The following WBP1L variants were observed in gnomAD, a reference collection of about 807,000 sequenced individuals.
WBP1L encodes the protein WW domain binding protein 1 like.
WBP1L carries 17 observed loss-of-function variants against 33.7 expected under a neutral mutation model. The observed-to-expected ratio is 0.50, with a 90% CI of 0.34 to 0.76. The LOEUF is 0.76. Ranked by LOEUF, WBP1L falls within the 30% of genes least tolerant of loss-of-function variation. WBP1L has a pLI of 0.01. For missense variants in WBP1L, 389 were observed against 469.4 expected (o/e 0.83, Z 1.58); for synonymous variants, 173 against 190.8 (o/e 0.91, Z 0.77).
chr10:102,784,661 G>A (rs530988031), intron 1 of WBP1L, among the ~76,000 whole-genome samples: 10 of 151,962 alleles, frequency 6.6e-5, no homozygotes, highest in East Asian at 5.8e-4. Context: ...TCCTGATCTC[G>A]TGATCTGCCC....
chr10:102,743,987 G>T lies in WBP1L; in HGVS notation c.-67G>T. The T allele has an allele frequency of 8.5e-7, 1 of 1,173,014 alleles. No homozygotes were observed. The allele number at this position is 1,173,014 out of a possible 1,614,324, so 72.7% of individuals were successfully genotyped here. A position where few individuals can be genotyped will look rare whatever the true frequency, so the allele number is the denominator to read the frequency against. On this transcript the variant is annotated 5_prime_UTR_variant, in exon 1 of 4. Transcript: ENST00000448841. ...GAAGGGAAGAAGGAAGAAGAGGGTA[G>T]AGGAGGAGAGGGAGGAGGAGGAGGG...
At chr10:102,792,592 C>CTTTT (rs11368357) in intron 1 of WBP1L, among the ~76,000 whole-genome samples, 57 of 103,472 alleles carry the variant, frequency 5.5e-4, no homozygotes, top group Non-Finnish European at 5.9e-4. Flanking sequence ...TTTTTCTTTT[C>CTTTT]TTTTTTTTTT....
Position 102,775,341 on chromosome 10 carries a change from G to A in WBP1L, c.91-22652G>A, listed in dbSNP as rs559141814. ...TGGCTTACACCACCGACTAGGGAAA[G>A]TCAGAGCAGGACACCATCCCCAGGG... On this transcript the variant is annotated intron_variant, in intron 1 of 3. Transcript: ENST00000448841. Among the ~76,000 whole-genome samples the A allele has an allele frequency of 2.0e-3, 310 of 152,274 alleles. 1 individual carries two copies. The highest frequency in any genetic ancestry group is 3.9e-3 in the Non-Finnish European group (264 of 68,020).
intron 1 of WBP1L, chr10:102,776,495 G>A (rs1179523794): frequency 7.5e-6 from 12 of 1,595,370 alleles, no homozygotes; most frequent in Non-Finnish European, 1.0e-5. Flanking sequence ...GCTTTGGGTG[G>A]AGGGAATATT....
chr10:102,812,743 C>T lies in WBP1L; in HGVS notation c.504C>T (p.Ile168=), dbSNP rs755949457. Reference sequence around the variant, plus strand: ...CTGCAGGTGGCAGTCCCCCGGGCATCGATCCCACCAGGGGATCCCAGGGGG... The same window carrying T: ...CTGCAGGTGGCAGTCCCCCGGGCATTGATCCCACCAGGGGATCCCAGGGGG... ...CGPAGGSPPG[I]DPTRGSQGAQ... is the part of the protein sequence containing the mutation. The change falls in exon 4 of 4, where the codon ATC becomes ATT. Residue 168 remains isoleucine, a synonymous_variant. Coordinates refer to ENST00000448841, the MANE Select transcript of WBP1L (RefSeq NM_001083913.2). The T allele has an allele frequency of 1.5e-5, 25 of 1,613,692 alleles. No individual in the cohort carries two copies. The highest frequency in any genetic ancestry group is 2.0e-5 in the Non-Finnish European group (24 of 1,179,928).
chr10:102,813,221 G>A lies in WBP1L; in HGVS notation c.982G>A (p.Ala328Thr), dbSNP rs200608862. 1 of 1,612,908 alleles carries A rather than the reference G, an allele frequency of 6.2e-7. No homozygotes were observed. The highest frequency in any genetic ancestry group is 1.7e-5 in the Admixed American group (1 of 60,006). ...EGLCQSSEEQ[A>T]REPGHPHLPR... is the part of the protein sequence containing the mutation. ...CCTCTGTCAGTCCTCTGAGGAGCAG[G>A]CTCGAGAGCCTGGGCACCCGCACCT... Residue 328 changes from alanine (A) to threonine (T), a missense_variant, in exon 4 of 4, where the codon GCT becomes ACT. Transcript: ENST00000448841.
At chr10:102,782,112 C>T (rs1410380974) in intron 1 of WBP1L, among the ~76,000 whole-genome samples, 1 of 151,962 alleles carries the variant, frequency 6.6e-6, no homozygotes, top group African/African-American at 2.4e-5. Context: ...AGGTGATGCA[C>T]CTGCCACGGC....
chr10:102,804,419 TAAA>T (rs143565698), intron 2 of WBP1L, among the ~76,000 whole-genome samples: 119 of 138,122 alleles, frequency 8.6e-4, no homozygotes, highest in Middle Eastern at 7.5e-3. Context: ...CTTTTTTTTT[TAAA>T]AAAAAAATTA....
intron 1 of WBP1L, among the ~76,000 whole-genome samples, chr10:102,762,043 G>A (rs1180814277): frequency 6.6e-6 from 1 of 152,012 alleles, no homozygotes; most frequent in African/African-American, 2.4e-5. Context: ...TATAGAGGCG[G>A]AGTCTCCCTA....
chr10:102,796,647 G>A (rs1382771097), intron 1 of WBP1L, among the ~76,000 whole-genome samples: 2 of 152,162 alleles, frequency 1.3e-5, no homozygotes, highest in Non-Finnish European at 2.9e-5. Flanking sequence ...TGCTGAGCAG[G>A]GCTTTTTTCC....
chr10:102,812,750 A>T lies in WBP1L; in HGVS notation c.511A>T (p.Thr171Ser). 1.9e-6 allele frequency: 3 copies of T among 1,613,610 alleles called. No homozygotes were observed. The highest frequency in any genetic ancestry group is 2.5e-6 in the Non-Finnish European group (3 of 1,179,824). ...AGGSPPGIDP[T>S]RGSQGAQSSP... The stretch of plus-strand genomic sequence containing the variant: ...TGGCAGTCCCCCGGGCATCGATCCC[A>T]CCAGGGGATCCCAGGGGGCACAGAG... The change falls in exon 4 of 4, where the codon ACC (threonine) becomes TCC (serine). Residue 171 changes from threonine to serine, a missense_variant. Transcript: ENST00000448841.
chr10:102,744,068 G>A lies in WBP1L; in HGVS notation c.15G>A (p.Arg5=), dbSNP rs180771793. The change falls in exon 1 of 4, where the codon AGG becomes AGA. Residue 5 remains arginine, a synonymous_variant. Transcript: ENST00000448841. Reference sequence around the variant, plus strand: ...GCAGGAGGGGGATGGAGAGGAGAAGGCTCCTGGGTGGCATGGCGCTCCTGC... The same window carrying A: ...GCAGGAGGGGGATGGAGAGGAGAAGACTCCTGGGTGGCATGGCGCTCCTGC... MERR[R]LLGGMALLLL... is the part of the protein sequence containing the mutation. 9.2e-5 allele frequency: 142 copies of A among 1,551,418 alleles called. No individual in the cohort carries two copies. The highest frequency in any genetic ancestry group is 1.2e-4 in the Non-Finnish European group (134 of 1,147,712).
At chr10:102,776,033 A>G (rs1198724427) in intron 1 of WBP1L, 1 of 944,518 alleles carries the variant, frequency 1.1e-6, no homozygotes, top group Non-Finnish European at 1.3e-6. Flanking sequence ...AGGGCTGGGC[A>G]TCGCGGGTCT....
At chr10:102,806,616 C>G (rs1015098061) in intron 2 of WBP1L, among the ~76,000 whole-genome samples, 2 of 152,176 alleles carry the variant, frequency 1.3e-5, no homozygotes, top group African/African-American at 2.4e-5. Context: ...TTTATGGTCT[C>G]TGGTTAGGAA....
chr10:102,798,967 C>A (rs1843613061), intron 2 of WBP1L, among the ~76,000 whole-genome samples: 1 of 152,190 alleles, frequency 6.6e-6, no homozygotes, highest in Non-Finnish European at 1.5e-5. Context: ...TTATTTCTTA[C>A]CCAGTTCTCA....
chr10:102,778,437 TGTA>T (rs1346171124), intron 1 of WBP1L, among the ~76,000 whole-genome samples: 1 of 152,070 alleles, frequency 6.6e-6, no homozygotes. Flanking sequence ...TACTTGGACA[TGTA>T]GTGAGAGAAT....
At chr10:102,750,796 C>T (rs558243391) in intron 1 of WBP1L, among the ~76,000 whole-genome samples, 16 of 152,016 alleles carry the variant, frequency 1.1e-4, no homozygotes, top group Non-Finnish European at 1.5e-4. Context: ...CCACCACGCC[C>T]GGCCCAATTT....
At chr10:102,755,984 G>T (rs1842970407) in intron 1 of WBP1L, among the ~76,000 whole-genome samples, 1 of 152,100 alleles carries the variant, frequency 6.6e-6, no homozygotes, top group South Asian at 2.1e-4. Flanking sequence ...GGCAGAGCTT[G>T]CAGCGAGCCA....
intron 1 of WBP1L, among the ~76,000 whole-genome samples, chr10:102,772,695 G>C (rs920722095): frequency 6.9e-6 from 1 of 144,668 alleles, no homozygotes; most frequent in African/African-American, 2.6e-5. Flanking sequence ...TCAGCTTCCC[G>C]AGTAGCTGAG....
Sources: allele counts gnomAD v4.1 joint callset (sites outside exome capture counted in the v4.1 genomes callset), GRCh38; gene constraint gnomAD v4.1.1; transcripts MANE v1.5; gene names NCBI Gene and HGNC (gene_info 2026-07-23, HGNC 2026-07-21).